Variants in AP2A2 observed in about 807,000 individuals in gnomAD.
AP2A2 encodes the protein AP-2 complex subunit alpha-2.
Under a neutral mutation model 104.2 loss-of-function variants are expected in AP2A2, and 32 were observed. The ratio of observed to expected loss-of-function variants is 0.31; its 90% CI spans 0.23 to 0.41. The LOEUF (loss-of-function observed/expected upper bound fraction) is 0.41, where lower values mean the gene tolerates loss of function less well. Among genes scored for constraint, AP2A2 ranks in the 10% least tolerant of loss-of-function variants. The pLI is 1.00. For synonymous variants in AP2A2, 539 were observed against 533.3 expected, an observed-to-expected ratio of 1.01 and a Z score of -0.15; for missense variants, 912 against 1,261.0, an observed-to-expected ratio of 0.72 and a Z score of 4.19.
At chr11:939,176 G>A (rs938908217) in intron 1 of AP2A2, among the ~76,000 whole-genome samples, 3 of 150,418 alleles carry the variant, frequency 2.0e-5, no homozygotes, top group South Asian at 4.2e-4. Flanking sequence ...ACTCGAACCC[G>A]GGAGGTGGAG....
chr11:986,769 C>T lies in AP2A2; in HGVS notation c.963-16C>T. On this transcript the variant is annotated splice_polypyrimidine_tract_variant and intron_variant, in intron 8 of 21. Transcript: ENST00000448903. ...TTGCTGAGGAAACCCCACCCACTTC[C>T]CCTCCCTCCACACAGTGAGCCGAAC... The T allele has an allele frequency of 6.2e-7, 1 of 1,610,828 alleles. No individual in the cohort carries two copies. Among genetic ancestry groups the T allele is most frequent in the Non-Finnish European group, 8.5e-7 (1 of 1,178,648 alleles).
chr11:956,411 C>T (rs1854236799), intron 1 of AP2A2, among the ~76,000 whole-genome samples: 1 of 152,138 alleles, frequency 6.6e-6, no homozygotes, highest in African/African-American at 2.4e-5. Flanking sequence ...GACCCACCTG[C>T]CTCTGATGAG....
intron 1 of AP2A2, among the ~76,000 whole-genome samples, chr11:943,943 G>C (rs1853743318): frequency 6.6e-6 from 1 of 150,958 alleles, no homozygotes; most frequent in South Asian, 2.1e-4. Flanking sequence ...CGGAGACGCA[G>C]GTGGCAGCGG....
At chr11:965,380 C>A (rs1210337895) in intron 2 of AP2A2, among the ~76,000 whole-genome samples, 1 of 152,198 alleles carries the variant, frequency 6.6e-6, no homozygotes, top group Non-Finnish European at 1.5e-5. Context: ...TTCAGTAGTG[C>A]AGTGAACTTC....
chr11:937,226 G>C (rs1419970668), intron 1 of AP2A2, among the ~76,000 whole-genome samples: 1 of 151,776 alleles, frequency 6.6e-6, no homozygotes, highest in Admixed American at 6.6e-5. Context: ...CACTATATTG[G>C]CCAGGCTGGT....
intron 1 of AP2A2, among the ~76,000 whole-genome samples, chr11:943,940 G>A (rs151214855): frequency 0.047 from 6,667 of 141,516 alleles, 296 homozygotes; most frequent in South Asian, 0.073. Context: ...GACCGGAGAC[G>A]CAGGTGGCAG....
intron 21 of AP2A2, 29 bp downstream of exon 21, chr11:1,009,846 A>C: frequency 3.9e-6 from 6 of 1,526,050 alleles, no homozygotes; most frequent in Non-Finnish European, 5.3e-6. Context: ...GGTGGAACAC[A>C]CTTGAGTTGC....
chr11:985,617 C>T (rs781157595), intron 8 of AP2A2, 35 bp downstream of exon 8: 15 of 1,612,698 alleles, frequency 9.3e-6, no homozygotes, highest in African/African-American at 4.0e-5. Flanking sequence ...CTTCGTCTCG[C>T]GCACACACAC....
chr11:933,892 C>T (rs1282765860), intron 1 of AP2A2, among the ~76,000 whole-genome samples: 1 of 152,088 alleles, frequency 6.6e-6, no homozygotes, highest in African/African-American at 2.4e-5. Flanking sequence ...ACGTTTGTTG[C>T]CTTTTGGAGC....
intron 1 of AP2A2, among the ~76,000 whole-genome samples, chr11:936,076 T>TA (rs1179072426): frequency 2.0e-5 from 3 of 150,458 alleles, no homozygotes; most frequent in Admixed American, 1.3e-4. Flanking sequence ...TAATTTTTTT[T>TA]TTTTTTATTT....
At position 985,421 on chromosome 11, in the gene AP2A2, G is replaced by T. The variant is rs373037617; in HGVS notation, c.815-14G>T. 8.7e-6 allele frequency: 14 copies of T among 1,612,784 alleles called. No homozygotes were observed. The highest frequency in any genetic ancestry group is 6.7e-5 in the East Asian group (3 of 44,864). ...ACTGGAGACTGGTGAGCACCGTTCT[G>T]TCTTGCCCAGAAGACCCTGCAGTGC... On this transcript the variant is annotated splice_polypyrimidine_tract_variant and intron_variant, in intron 7 of 21. Transcript: ENST00000448903.
Position 993,176 on chromosome 11 carries a change from A to T in AP2A2, c.1453-108A>T. The T allele has an allele frequency of 1.2e-6, 1 of 804,886 alleles. No homozygotes were observed. Among genetic ancestry groups the T allele is most frequent in the South Asian group, 1.9e-5 (1 of 53,972 alleles). The allele number at this position is 804,886 out of a possible 1,614,324, so 49.9% of individuals were successfully genotyped here. ...GGGCACTTGGACTGGGGTCTCCAGG[A>T]AGCTGAGGGGCTGGTGCTGGTGTAG... is the stretch of plus-strand genomic sequence containing the variant. On this transcript the variant is annotated intron_variant, in intron 11 of 21. Transcript: ENST00000448903. The surrounding 1 kb of genome is among the most constrained non-coding windows in gnomAD (Gnocchi z 8.2).
intron 2 of AP2A2, among the ~76,000 whole-genome samples, chr11:964,142 G>A (rs1428474154): frequency 6.6e-6 from 1 of 152,256 alleles, no homozygotes; most frequent in Non-Finnish European, 1.5e-5. Flanking sequence ...AGAGTGAACT[G>A]TCAGTGAGCC....
At chr11:994,638 G>A (rs1483946245) in intron 14 of AP2A2, among the ~76,000 whole-genome samples, 6 of 142,108 alleles carry the variant, frequency 4.2e-5, no homozygotes, top group Non-Finnish European at 7.7e-5. Context: ...GGCCTGTCCC[G>A]GGGGCCACTG....
intron 10 of AP2A2, among the ~76,000 whole-genome samples, chr11:989,572 C>G (rs1855578096): frequency 6.6e-6 from 1 of 152,244 alleles, no homozygotes; most frequent in Non-Finnish European, 1.5e-5. Context: ...AGGACGGGAT[C>G]TAGGCCATAG....
chr11:987,489 A>G, intron 9 of AP2A2, among the ~76,000 whole-genome samples: 1 of 151,956 alleles, frequency 6.6e-6, no homozygotes. Flanking sequence ...CTTTACTAAA[A>G]ATGCAAAAAA....
chr11:996,531 A>T (rs1855863696), intron 14 of AP2A2, among the ~76,000 whole-genome samples: 1 of 152,072 alleles, frequency 6.6e-6, no homozygotes, highest in Admixed American at 6.6e-5. Context: ...GCCTTTGATC[A>T]CACCCAGGTT....
intron 18 of AP2A2, chr11:1,008,446 C>T (rs946064242): frequency 1.9e-5 from 6 of 314,176 alleles, no homozygotes; most frequent in East Asian, 6.0e-5. Context: ...GCCACCTGCC[C>T]GGCTTGGTAC....
chr11:933,096 A>G (rs1447448088), intron 1 of AP2A2, among the ~76,000 whole-genome samples: 2 of 152,112 alleles, frequency 1.3e-5, no homozygotes, highest in African/African-American at 2.4e-5. Context: ...ATGGAAAAAC[A>G]TGTCTCTACT....
Sources: allele counts gnomAD v4.1 joint callset (sites outside exome capture counted in the v4.1 genomes callset), GRCh38; gene constraint gnomAD v4.1.1; non-coding constraint Gnocchi (gnomAD v3.1); transcripts MANE v1.5; gene names NCBI Gene and HGNC (gene_info 2026-07-23, HGNC 2026-07-21).